The following CIT variants were observed in gnomAD, a reference collection of about 807,000 sequenced individuals.
The protein encoded by CIT is citron Rho-interacting kinase.
Under a neutral mutation model 272.7 loss-of-function variants are expected in CIT, and 79 were observed. The ratio of observed to expected loss-of-function variants is 0.29; its 90% CI spans 0.24 to 0.35. The LOEUF (loss-of-function observed/expected upper bound fraction) is 0.35, where lower values mean the gene tolerates loss of function less well. CIT is among the 10% of genes least tolerant of loss of function. The pLI is 1.00. For synonymous variants in CIT, 948 were observed against 995.6 expected (o/e 0.95, Z 0.90); for missense variants, 1,909 against 2,618.3 (o/e 0.73, Z 5.91).
At chr12:119,870,601 A>G (rs1950644198) in intron 2 of CIT, among the ~76,000 whole-genome samples, 1 of 148,850 alleles carries the variant, frequency 6.7e-6, no homozygotes, top group South Asian at 2.1e-4. Flanking sequence ...CACTTTTGGG[A>G]AGCCAGCCAC....
At chr12:119,862,154 C>T (rs1950358971) in intron 3 of CIT, among the ~76,000 whole-genome samples, 1 of 152,100 alleles carries the variant, frequency 6.6e-6, no homozygotes, top group Non-Finnish European at 1.5e-5. Context: ...GTGCCCACCA[C>T]ACCCGGCTAA....
intron 2 of CIT, among the ~76,000 whole-genome samples, chr12:119,872,542 AG>A (rs1950712414): frequency 6.6e-6 from 1 of 152,238 alleles, no homozygotes; most frequent in Non-Finnish European, 1.5e-5. Flanking sequence ...TTTACTGGGC[AG>A]GGGGATCTCA....
intron 9 of CIT, among the ~76,000 whole-genome samples, chr12:119,816,314 C>T (rs924480136): frequency 2.0e-5 from 3 of 152,072 alleles, no homozygotes; most frequent in South Asian, 2.1e-4. Flanking sequence ...AGTATATGAA[C>T]GATGTAATGT....
At position 119,773,014 on chromosome 12, in the gene CIT, TA is replaced by T. The variant is rs11437987; in HGVS notation, c.1942-105del. The T allele has an allele frequency of 0.12, 67,520 of 572,570 alleles. 285 individuals are homozygous for T. The highest frequency in any genetic ancestry group is 0.16 in the African/African-American group (7,522 of 45,614). 35.5% of individuals were successfully genotyped at this position (572,570 alleles called of 1,614,324 possible). A position where few individuals can be genotyped will look rare whatever the true frequency, so the allele number is the denominator to read the frequency against. ...GTATCCCAGAACTTAAAGTATAATC[TA>T]AAAAAAAAAAAAAAAAGATAGTGAC... On this transcript the variant is annotated intron_variant, in intron 16 of 47. Transcript: ENST00000392521.
chr12:119,783,658 A>T (rs1442393069), intron 12 of CIT: 6 of 352,412 alleles, frequency 1.7e-5, no homozygotes, highest in Non-Finnish European at 3.1e-5. Flanking sequence ...GATTACTCCC[A>T]TCTCCAGACT....
At chr12:119,787,670 G>T (rs1488607718) in intron 10 of CIT, among the ~76,000 whole-genome samples, 4 of 142,576 alleles carry the variant, frequency 2.8e-5, no homozygotes, top group South Asian at 2.2e-4. Flanking sequence ...GGCGGAGCTT[G>T]CAGTGAGCCA....
intron 2 of CIT, among the ~76,000 whole-genome samples, chr12:119,869,501 T>TTCCTCTGGA (rs1170940236): frequency 2.0e-5 from 3 of 152,218 alleles, no homozygotes; most frequent in Non-Finnish European, 4.4e-5. Context: ...GTGAGAATAT[T>TTCCTCTGGA]TCCTCTGGAT....
intron 7 of CIT, among the ~76,000 whole-genome samples, chr12:119,828,146 TGA>T (rs1968319196): frequency 6.6e-6 from 1 of 152,210 alleles, no homozygotes; most frequent in Non-Finnish European, 1.5e-5. Context: ...AACAGATACA[TGA>T]TTATACACAT....
At chr12:119,714,795 A>G (rs2137084434) in intron 32 of CIT, among the ~76,000 whole-genome samples, 1 of 152,356 alleles carries the variant, frequency 6.6e-6, no homozygotes, top group East Asian at 1.9e-4. Context: ...GGTTAAACAT[A>G]GTTACCCCAG....
At chr12:119,709,296 T>C (rs964443745) in intron 39 of CIT, among the ~76,000 whole-genome samples, 17 of 151,740 alleles carry the variant, frequency 1.1e-4, no homozygotes, top group Admixed American at 3.9e-4. Flanking sequence ...GGGGTGACAA[T>C]GATGTGTCAC....
chr12:119,709,787 A>AGAGTGT (rs1319008959), intron 39 of CIT, among the ~76,000 whole-genome samples: 1 of 107,632 alleles, frequency 9.3e-6, no homozygotes, highest in African/African-American at 3.5e-5. Context: ...AGAGAGAGAG[A>AGAGTGT]GTGTGTGTGT....
chr12:119,871,739 C>T (rs2138416817), intron 2 of CIT, among the ~76,000 whole-genome samples: 1 of 152,084 alleles, frequency 6.6e-6, no homozygotes, highest in South Asian at 2.1e-4. Flanking sequence ...GTCCTGTAGT[C>T]CTAGCCACTT....
In CIT at chr12:119,804,547, A is replaced by T; in HGVS notation, c.1112-1158T>A. 1 of 939,154 alleles carries T rather than the reference A, an allele frequency of 1.1e-6. No individual in the cohort carries two copies. The highest frequency in any genetic ancestry group is 1.3e-6 in the Non-Finnish European group (1 of 787,624). The allele number at this position is 939,154 out of a possible 1,614,324, so 58.2% of individuals were successfully genotyped here. A position where few individuals can be genotyped will look rare whatever the true frequency, so the allele number is the denominator to read the frequency against. ...GGCTCGCTAGAGCTCCCCCTAGGAC[A>T]GTTGTCACAGCCCTTCACAGCCCAG... On this transcript the variant is annotated intron_variant, in intron 9 of 47. Coordinates refer to ENST00000392521, the MANE Select transcript of CIT (RefSeq NM_001206999.2). The surrounding 1 kb of genome is among the most constrained non-coding windows in gnomAD (Gnocchi z 5.3).
intron 9 of CIT, among the ~76,000 whole-genome samples, chr12:119,814,421 G>A (rs1966947426): frequency 6.6e-6 from 1 of 151,972 alleles, no homozygotes; most frequent in African/African-American, 2.4e-5. Context: ...GTTTTAGTAG[G>A]TGGCGCCCAC....
At chr12:119,777,668 T>G (rs1293999834) in intron 13 of CIT, among the ~76,000 whole-genome samples, 1 of 127,394 alleles carries the variant, frequency 7.8e-6, no homozygotes, top group African/African-American at 2.8e-5. Context: ...AGACTCCGTC[T>G]CAAAAAAACA....
intron 23 of CIT, among the ~76,000 whole-genome samples, chr12:119,742,996 A>G (rs895343742): frequency 3.9e-5 from 6 of 152,110 alleles, no homozygotes; most frequent in African/African-American, 1.4e-4. Context: ...AAAACTCTAC[A>G]TCGGCCTTGA....
chr12:119,785,702 C>T (rs1964725332), intron 10 of CIT, among the ~76,000 whole-genome samples: 1 of 152,126 alleles, frequency 6.6e-6, no homozygotes, highest in Admixed American at 6.5e-5. Context: ...GCCTCAGCCT[C>T]CTGAGTAGTT....
chr12:119,776,124 T>C (rs1963725376), intron 15 of CIT, among the ~76,000 whole-genome samples: 1 of 152,142 alleles, frequency 6.6e-6, no homozygotes. Flanking sequence ...TTTTACTAAG[T>C]GTCTGGGTTT....
At chr12:119,748,384 C>T (rs765037746) in intron 23 of CIT, among the ~76,000 whole-genome samples, 8 of 152,154 alleles carry the variant, frequency 5.3e-5, no homozygotes, top group Non-Finnish European at 1.0e-4. Flanking sequence ...TACAATGTAG[C>T]CTTGAGGGAG....
Sources: allele counts gnomAD v4.1 joint callset (sites outside exome capture counted in the v4.1 genomes callset), GRCh38; gene constraint gnomAD v4.1.1; non-coding constraint Gnocchi (gnomAD v3.1); transcripts MANE v1.5; gene names NCBI Gene and HGNC (gene_info 2026-07-23, HGNC 2026-07-21).